NACC2: variants seen among roughly 807,000 people sequenced by gnomAD.
The protein encoded by NACC2 is NACC family member 2.
Under a neutral mutation model 25.1 loss-of-function variants are expected in NACC2, and 8 were observed. The observed-to-expected ratio is 0.32, with a 90% confidence interval of 0.19 to 0.57. The LOEUF (loss-of-function observed/expected upper bound fraction) is 0.57, where lower values mean the gene tolerates loss of function less well. Among genes scored for constraint, NACC2 ranks in the 20% least tolerant of loss-of-function variants. The pLI is 0.89. For missense variants in NACC2, 644 were observed against 650.2 expected (o/e 0.99, Z 0.10); for synonymous variants, 435 against 294.7 (o/e 1.48, Z -4.88).
chr9:136,018,265 G>C lies in NACC2; in HGVS notation c.887-1836C>G, dbSNP rs1170807336. Among the ~76,000 whole-genome samples the C allele has an allele frequency of 1.3e-5, 2 of 151,964 alleles. No individual in the cohort carries two copies. Among genetic ancestry groups the C allele is most frequent in the Admixed American group, 6.5e-5 (1 of 15,284 alleles). On this transcript the variant is annotated intron_variant, in intron 2 of 5. Coordinates refer to ENST00000277554, the MANE Select transcript of NACC2 (RefSeq NM_144653.5). The surrounding 1 kb of genome is among the most constrained non-coding windows in gnomAD (Gnocchi z 4.4). The stretch of plus-strand genomic sequence containing the variant: ...CAGGGGTGGCTGAGCCTCGGGGCGT[G>C]GGGGGGCTGCCAAGGGGGCTGCTGG...
chr9:136,075,475 G>A (rs532804545), intron 1 of NACC2, among the ~76,000 whole-genome samples: 8 of 152,250 alleles, frequency 5.3e-5, no homozygotes, highest in Non-Finnish European at 1.2e-4. Context: ...CAGCGGCTCC[G>A]TGTGAACCTG....
intron 1 of NACC2, among the ~76,000 whole-genome samples, chr9:136,077,882 T>C (rs1367555508): frequency 2.6e-5 from 4 of 152,266 alleles, no homozygotes; most frequent in Admixed American, 2.0e-4. Context: ...GGTGTGCCTT[T>C]GGGAGTGAAA....
At chr9:136,051,136 C>A (rs1274547131) in intron 1 of NACC2, among the ~76,000 whole-genome samples, 1 of 152,204 alleles carries the variant, frequency 6.6e-6, no homozygotes, top group Non-Finnish European at 1.5e-5. Context: ...GAAGGCGGGC[C>A]AGCGTCCCCT....
In NACC2 at chr9:136,086,659, C is replaced by T. The variant is rs1162304303; in HGVS notation, c.-60+8530G>A. ...CAATAATTAACACGAATCCTGTTCC[C>T]AAACTTACATAACCGCAGATGACAA... is the stretch of plus-strand genomic sequence containing the variant. On this transcript the variant is annotated intron_variant, in intron 1 of 5. Coordinates refer to ENST00000277554, the MANE Select transcript of NACC2 (RefSeq NM_144653.5). The surrounding 1 kb of genome is among the most constrained non-coding windows in gnomAD (Gnocchi z 5.6). 6.6e-6 allele frequency among the ~76,000 whole-genome samples: 1 copy of T among 152,214 alleles called. No homozygotes were observed. Among genetic ancestry groups the T allele is most frequent in the African/African-American group, 2.4e-5 (1 of 41,450 alleles).
intron 2 of NACC2, among the ~76,000 whole-genome samples, chr9:136,024,546 G>A (rs1012286858): frequency 2.3e-5 from 3 of 129,794 alleles, no homozygotes; most frequent in South Asian, 2.7e-4. Context: ...CAGTGTGTGT[G>A]AGGACAGTGT....
At position 136,011,741 on chromosome 9, in the gene NACC2, G is replaced by A. The variant is rs749941648; in HGVS notation, c.1539C>T (p.Ala513=). The A allele has an allele frequency of 8.8e-5, 136 of 1,538,306 alleles. 1 individual carries two copies. In the East Asian group the frequency reaches 2.2e-3, roughly 24 times the overall value. The change falls in exon 6 of 6, where the codon GCC becomes GCT. Residue 513 remains alanine (A), a synonymous_variant. Transcript: ENST00000277554. ...AATIVALRTD[A]VNVDLSAAAN... ...CGGCGGCACTCAGGTCAACATTCAC[G>A]GCGTCAGTTCTCAGAGCCACGATGG...
chr9:136,024,505 G>GTGT, intron 2 of NACC2, among the ~76,000 whole-genome samples: 1 of 39,808 alleles, frequency 2.5e-5, no homozygotes, highest in South Asian at 9.8e-4. Context: ...AGGACAGAAT[G>GTGT]TGTGTGTGTG....
chr9:136,093,364 G>A (rs1213143432), intron 1 of NACC2, among the ~76,000 whole-genome samples: 1 of 152,160 alleles, frequency 6.6e-6, no homozygotes, highest in African/African-American at 2.4e-5. Context: ...CCCTGCCCAG[G>A]GCAGAGCAGC....
Position 136,049,681 on chromosome 9 carries a change from C to T in NACC2, c.841G>A (p.Glu281Lys). ...TTGATGTACATCTGGCCGTACTGCT[C>T]CTCCACCATGGTGTCGTAGGCCTCG... ...DDEAYDTMVE[E>K]QYGQMYIKAS... Residue 281 changes from glutamate (E) to lysine (K), a missense_variant, in exon 2 of 6, where the codon GAG (glutamate) becomes AAG (lysine). Glu to Lys is a moderately conservative substitution (Grantham distance 56). Coordinates refer to ENST00000277554, the MANE Select transcript of NACC2 (RefSeq NM_144653.5). The T allele has an allele frequency of 1.3e-6, 1 of 779,272 alleles. No homozygotes were observed. The allele number at this position is 779,272 out of a possible 1,614,324, so 48.3% of individuals were successfully genotyped here.
At chr9:136,048,902 C>G (rs925769404) in intron 2 of NACC2, among the ~76,000 whole-genome samples, 1 of 152,230 alleles carries the variant, frequency 6.6e-6, no homozygotes, top group African/African-American at 2.4e-5. Flanking sequence ...GCATTATGCA[C>G]CCGCACCCAG....
chr9:136,053,203 T>C (rs1840874174), intron 1 of NACC2, among the ~76,000 whole-genome samples: 1 of 152,166 alleles, frequency 6.6e-6, no homozygotes, highest in Admixed American at 6.5e-5. Context: ...CTCTGAGGCA[T>C]CCGGAGACCA....
At chr9:136,065,390 C>T (rs940236686) in intron 1 of NACC2, among the ~76,000 whole-genome samples, 2 of 152,142 alleles carry the variant, frequency 1.3e-5, no homozygotes, top group African/African-American at 4.8e-5. Context: ...GAGGCCGAGG[C>T]GGGCAGATCA....
At chr9:136,067,786 G>C (rs1478106979) in intron 1 of NACC2, among the ~76,000 whole-genome samples, 1 of 152,232 alleles carries the variant, frequency 6.6e-6, no homozygotes, top group African/African-American at 2.4e-5. Context: ...GGTGAGCCGA[G>C]ATCGCGGCAC....
At chr9:136,089,141 A>C (rs1021439777) in intron 1 of NACC2, among the ~76,000 whole-genome samples, 1 of 152,176 alleles carries the variant, frequency 6.6e-6, no homozygotes, top group Non-Finnish European at 1.5e-5. Context: ...GCAGCACTGC[A>C]GCCCGGGAGA....
In NACC2 at chr9:136,020,501, C is replaced by T. The variant is rs1040001550; in HGVS notation, c.887-4072G>A. ...TCTGTGCGGATGTGGGCGGCAGTGG[C>T]GAGTGGTAGGGCCGCCTGGTGGAGC... On this transcript the variant is annotated intron_variant, in intron 2 of 5. Coordinates refer to ENST00000277554, the MANE Select transcript of NACC2 (RefSeq NM_144653.5). The surrounding 1 kb of genome is among the most constrained non-coding windows in gnomAD (Gnocchi z 4.7). 7.6e-4 allele frequency among the ~76,000 whole-genome samples: 115 copies of T among 152,146 alleles called. No homozygotes were observed. The highest frequency in any genetic ancestry group is 2.6e-3 in the African/African-American group (109 of 41,428).
chr9:136,074,772 C>T (rs984860944), intron 1 of NACC2, among the ~76,000 whole-genome samples: 5 of 152,068 alleles, frequency 3.3e-5, no homozygotes, highest in Admixed American at 1.3e-4. Context: ...GGGCCCATGT[C>T]GGTGGTCACA....
intron 2 of NACC2, among the ~76,000 whole-genome samples, chr9:136,021,383 T>A (rs1232154723): frequency 6.6e-6 from 1 of 152,060 alleles, no homozygotes; most frequent in Non-Finnish European, 1.5e-5. Context: ...CCGGCGAGGA[T>A]GCGGGGCAGC....
At chr9:136,074,346 G>A (rs1388944568) in intron 1 of NACC2, among the ~76,000 whole-genome samples, 4 of 146,170 alleles carry the variant, frequency 2.7e-5, no homozygotes, top group East Asian at 2.0e-4. Context: ...CCAGCTACTC[G>A]GGAGGCTGAG....
chr9:136,050,240 G>A lies in NACC2; in HGVS notation c.282C>T (p.Ala94=), dbSNP rs1435903174. Residue 94 remains alanine (A), a synonymous_variant, in exon 2 of 6, where the codon GCC becomes GCT. Transcript: ENST00000277554. ...TGTACATGACCACGAGCTGCTCGCTGGCCGTCATGGTGAGCCTGCCCGTGT... is the reference window on the plus strand; with the variant it reads ...TGTACATGACCACGAGCTGCTCGCTAGCCGTCATGGTGAGCCTGCCCGTGT... ...FCYTGRLTMT[A]SEQLVVMYTA... 5.2e-6 allele frequency: 4 copies of A among 771,748 alleles called. No homozygotes were observed. Among genetic ancestry groups the A allele is most frequent in the Non-Finnish European group, 9.6e-6 (4 of 415,654 alleles). 47.8% of individuals were successfully genotyped at this position (771,748 alleles called of 1,614,324 possible). A position where few individuals can be genotyped will look rare whatever the true frequency, so the allele number is the denominator to read the frequency against.
Sources: allele counts gnomAD v4.1 joint callset (sites outside exome capture counted in the v4.1 genomes callset), GRCh38; gene constraint gnomAD v4.1.1; non-coding constraint Gnocchi (gnomAD v3.1); transcripts MANE v1.5; gene names NCBI Gene and HGNC (gene_info 2026-07-23, HGNC 2026-07-21).